Variants in TAFA2 observed in about 807,000 individuals in gnomAD.
The protein encoded by TAFA2 is chemokine-like protein TAFA-2.
A neutral mutation model predicts 18.8 loss-of-function variants in TAFA2; 7 were observed. That is an observed-to-expected ratio of 0.37 (90% CI 0.21 to 0.70). TAFA2 has a LOEUF of 0.70. Among genes scored for constraint, TAFA2 ranks in the 30% least tolerant of loss-of-function variants. The pLI is 0.53. For missense variants in TAFA2, 122 were observed against 158.1 expected (o/e 0.77, Z 1.23); for synonymous variants, 60 against 54.2 (o/e 1.11, Z -0.47).
At chr12:61,866,129 A>T (rs1874344020) in intron 2 of TAFA2, among the ~76,000 whole-genome samples, 1 of 151,968 alleles carries the variant, frequency 6.6e-6, no homozygotes. Flanking sequence ...AGGAGAAGAA[A>T]AAATATATGA....
In TAFA2 at chr12:61,736,461, AAAATT is replaced by A. The variant is rs561847717; in HGVS notation, c.384+17156_384+17160del. Among the ~76,000 whole-genome samples, 219 of 151,064 alleles carry A rather than the reference AAAATT, an allele frequency of 1.4e-3. 2 individuals carry two copies. The highest frequency in any genetic ancestry group is 4.7e-3 in the African/African-American group (194 of 41,506). On this transcript the variant is annotated intron_variant, in intron 4 of 4. Coordinates refer to ENST00000416284, the MANE Select transcript of TAFA2 (RefSeq NM_178539.5). ...AATTTGGTATTGATGAGTCATTCATAAAATTAATAATTGAAATTTATTATTGGTAT... is the reference window on the plus strand; with the variant it reads ...AATTTGGTATTGATGAGTCATTCATAAATAATTGAAATTTATTATTGGTAT...
At chr12:62,106,035 CAT>C (rs2136857608) in intron 1 of TAFA2, among the ~76,000 whole-genome samples, 1 of 152,130 alleles carries the variant, frequency 6.6e-6, no homozygotes, top group East Asian at 1.9e-4. Flanking sequence ...AAAGAAATGT[CAT>C]AAAGAAAAGT....
chr12:61,976,097 C>T (rs1243172693), intron 1 of TAFA2, among the ~76,000 whole-genome samples: 1 of 151,776 alleles, frequency 6.6e-6, no homozygotes, highest in Non-Finnish European at 1.5e-5. Flanking sequence ...AATTACATAA[C>T]TAACCTAATC....
intron 1 of TAFA2, among the ~76,000 whole-genome samples, chr12:62,210,651 C>G (rs1245644): frequency 0.36 from 54,120 of 151,942 alleles, 10,101 homozygotes; most frequent in South Asian, 0.45. Flanking sequence ...AAAGCATGTA[C>G]ATATTGAAGA....
At position 62,236,358 on chromosome 12, in the gene TAFA2, G is replaced by A. The variant is rs997910481; in HGVS notation, c.-130+22405C>T. Reference sequence around the variant, plus strand: ...CGGCTCACTGCAAGCTCCACCTCCCGGGTTCACACCATTCTCCTGCCTCAG... The same window carrying A: ...CGGCTCACTGCAAGCTCCACCTCCCAGGTTCACACCATTCTCCTGCCTCAG... On this transcript the variant is annotated intron_variant, in intron 1 of 5. Coordinates refer to the TAFA2 transcript ENST00000551619. Among the ~76,000 whole-genome samples the A allele has an allele frequency of 1.9e-4, 28 of 150,466 alleles. No individual in the cohort carries two copies. The Middle Eastern group carries it at 0.01, about 56-fold the overall frequency.
chr12:62,073,740 A>G (rs1377633980), intron 1 of TAFA2, among the ~76,000 whole-genome samples: 1 of 152,168 alleles, frequency 6.6e-6, no homozygotes, highest in African/African-American at 2.4e-5. Flanking sequence ...TATATGGTAG[A>G]TACTTAGAAT....
At position 62,186,413 on chromosome 12, in the gene TAFA2, A is replaced by C. The variant is rs371483464; in HGVS notation, c.-2+4846T>G. On this transcript the variant is annotated intron_variant, in intron 1 of 4. Transcript: ENST00000416284. ...GCTTCATGTAGAGAGTTAGCTTTACATAGTACAGGAGACTTGTTCAGCTGG... is the reference window on the plus strand; with the variant it reads ...GCTTCATGTAGAGAGTTAGCTTTACCTAGTACAGGAGACTTGTTCAGCTGG... 5.9e-5 allele frequency among the ~76,000 whole-genome samples: 9 copies of C among 152,302 alleles called. No homozygotes were observed. The East Asian group carries it at 1.5e-3, about 26-fold the overall frequency.
chr12:62,105,558 T>C (rs2136856962), intron 1 of TAFA2, among the ~76,000 whole-genome samples: 1 of 152,240 alleles, frequency 6.6e-6, no homozygotes, highest in Admixed American at 6.5e-5. Flanking sequence ...CTCTACCAAA[T>C]ACAAAATGTA....
Position 61,989,903 on chromosome 12 carries a change from T to C in TAFA2, c.-1-122477A>G, listed in dbSNP as rs138987077. ...CTCAGTATTTTAATGAGTTCAGTAA[T>C]GGAGAGTCATCTTTTCTTCATCCAT... On this transcript the variant is annotated intron_variant, in intron 1 of 4. Coordinates refer to ENST00000416284, the MANE Select transcript of TAFA2 (RefSeq NM_178539.5). Among the ~76,000 whole-genome samples the C allele has an allele frequency of 2.0e-3, 304 of 152,316 alleles. 1 individual carries two copies. Among genetic ancestry groups the C allele is most frequent in the African/African-American group, 7.0e-3 (289 of 41,558 alleles).
intron 1 of TAFA2, among the ~76,000 whole-genome samples, chr12:62,251,579 A>G (rs796921638): frequency 9.2e-5 from 14 of 152,320 alleles, no homozygotes; most frequent in African/African-American, 3.4e-4. Flanking sequence ...GCCTGTAAAG[A>G]AGTGCTCTCA....
intron 1 of TAFA2, among the ~76,000 whole-genome samples, chr12:61,889,295 G>A (rs550261888): frequency 1.3e-5 from 2 of 152,112 alleles, no homozygotes; most frequent in Non-Finnish European, 2.9e-5. Flanking sequence ...TTGCAGTCAA[G>A]ATTCTAAAGG....
At chr12:61,724,282 C>A (rs996107762) in intron 4 of TAFA2, among the ~76,000 whole-genome samples, 1 of 152,054 alleles carries the variant, frequency 6.6e-6, no homozygotes, top group Non-Finnish European at 1.5e-5. Flanking sequence ...ACTGCATGAA[C>A]AAAGAGAAGA....
intron 1 of TAFA2, among the ~76,000 whole-genome samples, chr12:62,002,362 C>T (rs562325197): frequency 7.2e-5 from 11 of 152,148 alleles, no homozygotes; most frequent in Non-Finnish European, 1.6e-4. Flanking sequence ...TAACTGAAAT[C>T]CTGGCTCCCC....
intron 1 of TAFA2, among the ~76,000 whole-genome samples, chr12:61,890,619 A>C (rs1161554929): frequency 6.6e-6 from 1 of 152,244 alleles, no homozygotes; most frequent in East Asian, 1.9e-4. Context: ...AAGTAGCTAC[A>C]GGGGGTTTAG....
At chr12:62,065,495 C>A (rs149122558) in intron 1 of TAFA2, among the ~76,000 whole-genome samples, 3 of 152,010 alleles carry the variant, frequency 2.0e-5, no homozygotes, top group Admixed American at 6.5e-5. Flanking sequence ...AAAAAATGTG[C>A]ACTTGAAAAC....
chr12:61,965,802 T>G (rs1879046723), intron 1 of TAFA2, among the ~76,000 whole-genome samples: 1 of 151,892 alleles, frequency 6.6e-6, no homozygotes, highest in East Asian at 1.9e-4. Flanking sequence ...TGGCTCCAAC[T>G]CTAAGAAGCT....
intron 2 of TAFA2, among the ~76,000 whole-genome samples, chr12:61,792,449 T>A (rs1871020036): frequency 6.6e-6 from 1 of 151,648 alleles, no homozygotes; most frequent in African/African-American, 2.4e-5. Flanking sequence ...ATTTGCTAAT[T>A]ACTATGATTT....
At chr12:61,919,614 T>C (rs1218541864) in intron 1 of TAFA2, among the ~76,000 whole-genome samples, 1 of 152,100 alleles carries the variant, frequency 6.6e-6, no homozygotes, top group Non-Finnish European at 1.5e-5. Flanking sequence ...CAACCATCAA[T>C]ACAATCTTCC....
chr12:62,057,293 A>G (rs569480040), intron 1 of TAFA2, among the ~76,000 whole-genome samples: 5 of 152,246 alleles, frequency 3.3e-5, no homozygotes, highest in Middle Eastern at 3.4e-3. Context: ...TCTTGTTAAT[A>G]TCTCAGTTTT....
Sources: gnomAD v4.1 joint callset for allele counts (sites outside exome capture counted in the v4.1 genomes callset) on GRCh38, gnomAD v4.1.1 for gene constraint, MANE v1.5 for transcripts, NCBI Gene and HGNC (gene_info 2026-07-23, HGNC 2026-07-21) for gene names.